Variants in CUX1 observed in about 807,000 individuals in gnomAD.
CUX1 encodes the protein cut like homeobox 1.
A neutral mutation model predicts 158.8 loss-of-function variants in CUX1; 31 were observed. The ratio of observed to expected loss-of-function variants is 0.20; its 90% confidence interval spans 0.15 to 0.26. The LOEUF (loss-of-function observed/expected upper bound fraction) is 0.26, where lower values mean the gene tolerates loss of function less well. CUX1 is among the 10% of genes least tolerant of loss of function. The pLI, the probability that CUX1 is intolerant of heterozygous loss-of-function variation, is 1.00. For missense variants in CUX1, 1,589 were observed against 2,014.6 expected, an observed-to-expected ratio of 0.79 and a Z score of 4.04; for synonymous variants, 879 against 862.1, an observed-to-expected ratio of 1.02 and a Z score of -0.34.
intron 2 of CUX1, among the ~76,000 whole-genome samples, chr7:102,027,387 G>A (rs1476810884): frequency 1.3e-5 from 2 of 151,996 alleles, no homozygotes; most frequent in African/African-American, 2.4e-5. Context: ...AAAAAGAAGA[G>A]GCAGCTAAAA....
intron 8 of CUX1, among the ~76,000 whole-genome samples, chr7:102,129,011 G>C (rs1159899383): frequency 5.3e-5 from 8 of 152,102 alleles, no homozygotes; most frequent in African/African-American, 1.9e-4. Context: ...TTAGTGCCTG[G>C]TACAGGACCT....
chr7:102,030,935 C>T (rs1030170744), intron 3 of CUX1, among the ~76,000 whole-genome samples: 5 of 152,232 alleles, frequency 3.3e-5, no homozygotes, highest in Non-Finnish European at 7.4e-5. Flanking sequence ...ATCCCGGGCT[C>T]AAGCCATCCT....
At chr7:102,192,425 G>A (rs1794379073) in intron 12 of CUX1, among the ~76,000 whole-genome samples, 1 of 152,184 alleles carries the variant, frequency 6.6e-6, no homozygotes, top group Non-Finnish European at 1.5e-5. Context: ...GCAACAAGCG[G>A]ATAGCAGGCT....
rs747521146 is a variant in CUX1 at position 102,256,278 on chromosome 7, G to A, written c.*7236G>A. The A allele has an allele frequency of 3.2e-5, 32 of 985,256 alleles. No individual in the cohort carries two copies. Among genetic ancestry groups the A allele is most frequent in the South Asian group, 1.9e-4 (4 of 21,282 alleles). 61.0% of individuals were successfully genotyped at this position (985,256 alleles called of 1,614,324 possible). ...GACTGACTGCTACTGACCTGCCGGCGTGCGTGAGGGTGATTATAAAAGGAT... is the reference window on the plus strand; with the variant it reads ...GACTGACTGCTACTGACCTGCCGGCATGCGTGAGGGTGATTATAAAAGGAT... On this transcript the variant is annotated 3_prime_UTR_variant, in exon 24 of 24. Coordinates refer to ENST00000292535, the MANE Select transcript of CUX1 (RefSeq NM_181552.4).
chr7:102,267,902 CAGCG>C lies in CUX1; in HGVS notation c.1256-5462_1256-5459del, dbSNP rs1554545403. Reference sequence around the variant, plus strand: ...GTGCTGGTCTCAAACACCTGAGCTCCAGCGATGCTACCACCTCTGCCTCCCAAAG... The same window carrying C: ...GTGCTGGTCTCAAACACCTGAGCTCCATGCTACCACCTCTGCCTCCCAAAG... On this transcript the variant is annotated intron_variant, in intron 14 of 22. Transcript: ENST00000292538. Among the ~76,000 whole-genome samples, 4 of 11,952 alleles carry C rather than the reference CAGCG, an allele frequency of 3.3e-4. No homozygotes were observed. In the African/African-American group the frequency reaches 4.5e-3, roughly 13 times the overall value. The allele number at this position is 11,952 out of a possible 152,430, so 7.8% of individuals were successfully genotyped here.
In CUX1 at chr7:102,255,609, A is replaced by G; in HGVS notation, c.*6567A>G. On this transcript the variant is annotated 3_prime_UTR_variant, in exon 24 of 24. Transcript: ENST00000292535. ...TAATTTCTACCACAAAATATGCTAT[A>G]TGCTATGTATCAAGCTTTCTGTAAT... 4 of 985,348 alleles carry G rather than the reference A, an allele frequency of 4.1e-6. No individual in the cohort carries two copies. The highest frequency in any genetic ancestry group is 4.8e-6 in the Non-Finnish European group (4 of 829,898). 61.0% of individuals were successfully genotyped at this position (985,348 alleles called of 1,614,324 possible). A position where few individuals can be genotyped will look rare whatever the true frequency, so the allele number is the denominator to read the frequency against.
chr7:102,096,588 C>T (rs1268676259), intron 4 of CUX1, among the ~76,000 whole-genome samples: 2 of 152,116 alleles, frequency 1.3e-5, no homozygotes, highest in Non-Finnish European at 2.9e-5. Flanking sequence ...TGCCTGTAGT[C>T]CCAGCTACTT....
rs184248485 is a variant in CUX1, at chr7:102,040,457, C to T, written c.189+12312C>T. On this transcript the variant is annotated intron_variant, in intron 3 of 23. Coordinates refer to ENST00000292535, the MANE Select transcript of CUX1 (RefSeq NM_181552.4). ...TCATGCCAGGGCCTTGTAGGCAGAA[C>T]CCTTAAGTCTCTTTGTAGGGACCCT... Among the ~76,000 whole-genome samples the T allele has an allele frequency of 7.2e-5, 11 of 152,274 alleles. No homozygotes were observed. The East Asian group carries it at 1.5e-3, about 21-fold the overall frequency.
chr7:102,030,121 C>T (rs1820551248), intron 3 of CUX1, among the ~76,000 whole-genome samples: 2 of 152,110 alleles, frequency 1.3e-5, no homozygotes, highest in South Asian at 2.1e-4. Context: ...AAGCAATTCT[C>T]CTGCCTCAGC....
At chr7:101,871,280 T>C (rs1798501877) in intron 1 of CUX1, among the ~76,000 whole-genome samples, 1 of 151,730 alleles carries the variant, frequency 6.6e-6, no homozygotes, top group Admixed American at 6.6e-5. Flanking sequence ...TAAGAAGTGA[T>C]GTACTCAGTT....
chr7:102,077,416 G>A (rs556179809), intron 4 of CUX1, among the ~76,000 whole-genome samples: 10 of 151,532 alleles, frequency 6.6e-5, no homozygotes, highest in South Asian at 2.1e-4. Flanking sequence ...GGGATCGGGC[G>A]CAGTGGCTTA....
chr7:102,070,859 C>T (rs1328323029), intron 4 of CUX1, among the ~76,000 whole-genome samples: 1 of 152,176 alleles, frequency 6.6e-6, no homozygotes, highest in East Asian at 1.9e-4. Flanking sequence ...GGCCCCTGGA[C>T]AAGCCCTTCA....
At chr7:102,031,967 A>G (rs1281064452) in intron 3 of CUX1, among the ~76,000 whole-genome samples, 1 of 149,062 alleles carries the variant, frequency 6.7e-6, no homozygotes, top group Non-Finnish European at 1.5e-5. Context: ...TCTATCACCC[A>G]GGGTGGAGAG....
intron 3 of CUX1, among the ~76,000 whole-genome samples, chr7:102,052,838 C>T (rs895595861): frequency 3.3e-5 from 5 of 152,140 alleles, no homozygotes; most frequent in East Asian, 3.9e-4. Context: ...GACAGGGTCT[C>T]GCTCTCTTGC....
intron 2 of CUX1, among the ~76,000 whole-genome samples, chr7:101,948,736 G>T (rs1029569023): frequency 4.1e-4 from 62 of 152,274 alleles, no homozygotes; most frequent in African/African-American, 1.5e-3. Context: ...CCTGGTACAG[G>T]AGCACCCCAT....
chr7:101,990,080 C>T (rs952715306), intron 2 of CUX1, among the ~76,000 whole-genome samples: 7 of 152,004 alleles, frequency 4.6e-5, no homozygotes, highest in African/African-American at 1.5e-4. Context: ...GAGGCATGGG[C>T]GGGTGCAGTG....
intron 8 of CUX1, among the ~76,000 whole-genome samples, chr7:102,150,004 G>A (rs782821133): frequency 2.0e-5 from 3 of 152,206 alleles, no homozygotes; most frequent in Non-Finnish European, 2.9e-5. Flanking sequence ...CAGCCCTGGG[G>A]TAGAAGGGGA....
intron 4 of CUX1, 142 bp from the exon 5 acceptor site, chr7:102,097,222 G>C: frequency 1.0e-6 from 1 of 963,848 alleles, no homozygotes. Flanking sequence ...CAGCAAGGGG[G>C]CTGGCTGCAG....
chr7:102,113,511 C>A (rs1293640453), intron 7 of CUX1, among the ~76,000 whole-genome samples: 1 of 152,166 alleles, frequency 6.6e-6, no homozygotes, highest in East Asian at 1.9e-4. Context: ...CTGCCTCAGC[C>A]TCCGAAAGTG....
Sources: allele counts gnomAD v4.1 joint callset (sites outside exome capture counted in the v4.1 genomes callset), GRCh38; gene constraint gnomAD v4.1.1; transcripts MANE v1.5; gene names NCBI Gene and HGNC (gene_info 2026-07-23, HGNC 2026-07-21).